The following DENND1B variants were observed in gnomAD, a reference collection of about 807,000 sequenced individuals.
The protein encoded by DENND1B is DENN domain-containing protein 1B.
DENND1B carries 59 observed loss-of-function variants against 90.1 expected under a neutral mutation model. The ratio of observed to expected loss-of-function variants is 0.65; its 90% CI spans 0.53 to 0.81. DENND1B has a LOEUF of 0.81. DENND1B is among the 40% of genes least tolerant of loss of function. The probability of loss-of-function intolerance (pLI) is 0.00; values close to 1 mark genes in which losing one functional copy is unlikely to be tolerated. For synonymous variants in DENND1B, 337 were observed against 324.6 expected (o/e 1.04, Z -0.41); for missense variants, 862 against 912.6 (o/e 0.94, Z 0.71).
rs1272294882 is a variant in DENND1B, at chr1:197,688,593, C to T, written c.127-14424G>A. ...GCAAGGATAGTCTCTTCAACAAACA[C>T]TTGGGAAAACTGGATGTCTACATGT... On this transcript the variant is annotated intron_variant, in intron 3 of 22. Coordinates refer to ENST00000620048, the MANE Select transcript of DENND1B (RefSeq NM_001195215.2). 3.3e-5 allele frequency among the ~76,000 whole-genome samples: 5 copies of T among 152,168 alleles called. No individual in the cohort carries two copies. The East Asian group carries it at 9.6e-4, about 29-fold the overall frequency.
intron 4 of DENND1B, among the ~76,000 whole-genome samples, chr1:197,673,671 C>A (rs774604389): frequency 3.9e-5 from 6 of 152,000 alleles, no homozygotes; most frequent in Non-Finnish European, 8.8e-5. Flanking sequence ...ATTACACTAC[C>A]TCTATAAAGC....
chr1:197,760,019 G>A (rs1654823472), intron 2 of DENND1B, among the ~76,000 whole-genome samples: 1 of 152,008 alleles, frequency 6.6e-6, no homozygotes, highest in African/African-American at 2.4e-5. Flanking sequence ...TATATGTTTA[G>A]TCTGTCATAT....
intron 2 of DENND1B, among the ~76,000 whole-genome samples, chr1:197,729,287 A>T (rs1661938794): frequency 6.6e-6 from 1 of 152,166 alleles, no homozygotes; most frequent in Non-Finnish European, 1.5e-5. Flanking sequence ...TTTATTGAGT[A>T]TATTTTCCAT....
chr1:197,530,408 A>G (rs1669531136), intron 20 of DENND1B, among the ~76,000 whole-genome samples: 1 of 152,218 alleles, frequency 6.6e-6, no homozygotes, highest in African/African-American at 2.4e-5. Flanking sequence ...GAAATGAATA[A>G]TCAAATGGAC....
chr1:197,679,701 G>A (rs1656459699), intron 3 of DENND1B, among the ~76,000 whole-genome samples: 1 of 149,792 alleles, frequency 6.7e-6, no homozygotes, highest in South Asian at 2.1e-4. Flanking sequence ...GACAAGTGGT[G>A]TGCTTGGCAA....
chr1:197,611,993 T>C lies in DENND1B; in HGVS notation c.774-17A>G, dbSNP rs1212518949. 2.5e-6 allele frequency: 4 copies of C among 1,585,082 alleles called. No individual in the cohort carries two copies. In the African/African-American group the frequency reaches 5.4e-5, roughly 21 times the overall value. On this transcript the variant is annotated splice_polypyrimidine_tract_variant and intron_variant, in intron 11 of 22. Transcript: ENST00000620048. The stretch of plus-strand genomic sequence containing the variant: ...ATTGGGGCACTAAATTAAAAATATA[T>C]ATATGCATAGATTCATATAGTTCAT...
intron 5 of DENND1B, among the ~76,000 whole-genome samples, chr1:197,667,002 C>T (rs1032984971): frequency 4.6e-5 from 7 of 151,874 alleles, no homozygotes; most frequent in Admixed American, 1.3e-4. Context: ...GGCGTGGTGG[C>T]GCAGGTCTGT....
At chr1:197,667,119 C>G (rs1341693424) in intron 5 of DENND1B, among the ~76,000 whole-genome samples, 1 of 146,872 alleles carries the variant, frequency 6.8e-6, no homozygotes, top group Non-Finnish European at 1.5e-5. Flanking sequence ...GGCCGCAGAG[C>G]GAGACTCCAT....
intron 2 of DENND1B, among the ~76,000 whole-genome samples, chr1:197,729,941 G>C (rs1662000307): frequency 6.6e-6 from 1 of 152,024 alleles, no homozygotes; most frequent in Non-Finnish European, 1.5e-5. Context: ...CCATATACTT[G>C]TGAGAAATGG....
intron 20 of DENND1B, among the ~76,000 whole-genome samples, chr1:197,530,196 C>T (rs1012084473): frequency 1.3e-5 from 2 of 152,180 alleles, no homozygotes; most frequent in Non-Finnish European, 2.9e-5. Flanking sequence ...GTTTAAAACA[C>T]AGGCTTAGAA....
chr1:197,685,739 C>T (rs765092172), intron 3 of DENND1B: 3 of 151,330 alleles, frequency 2.0e-5, no homozygotes, highest in African/African-American at 7.3e-5. Context: ...CTCAGACCAG[C>T]CCCAAAATTT....
Position 197,607,109 on chromosome 1 carries a change from T to C in DENND1B, c.885A>G (p.Ser295=). Residue 295 remains serine (S), a synonymous_variant, in exon 13 of 23, where the codon TCA becomes TCG. Transcript: ENST00000620048. ...MLNVDTNTLE[S]PFSDLNNLPS... ...GTAGGTTGTTCAAGTCACTAAATGG[T>C]GATTCTAATGTGTTTGTATCAACAT... The C allele has an allele frequency of 6.2e-7, 1 of 1,606,180 alleles. No homozygotes were observed. Among genetic ancestry groups the C allele is most frequent in the Non-Finnish European group, 8.5e-7 (1 of 1,175,224 alleles).
chr1:197,597,736 G>A (rs1675834246), intron 13 of DENND1B, among the ~76,000 whole-genome samples: 1 of 151,796 alleles, frequency 6.6e-6, no homozygotes, highest in Non-Finnish European at 1.5e-5. Context: ...ACTAGTCAAT[G>A]ATAGCTCCTG....
rs1298809020 is a variant in DENND1B, at chr1:197,545,337, G to A, written c.1350+585C>T. On this transcript the variant is annotated intron_variant, in intron 18 of 22. Transcript: ENST00000620048. ...GGAGAATTGCTTGAACCTGGAAGGC[G>A]GAGGTTACAGTGAGCCGAGATCGTG... Among the ~76,000 whole-genome samples the A allele has an allele frequency of 5.3e-5, 8 of 152,138 alleles. No individual in the cohort carries two copies. The South Asian group carries it at 6.2e-4, about 12-fold the overall frequency.
At chr1:197,730,605 C>T (rs917091455) in intron 2 of DENND1B, among the ~76,000 whole-genome samples, 19 of 151,960 alleles carry the variant, frequency 1.3e-4, no homozygotes, top group Middle Eastern at 3.2e-3. Context: ...AAATTCTTTA[C>T]GGTTAATCAC....
In DENND1B at chr1:197,617,753, C is replaced by T; in HGVS notation, c.679G>A (p.Ala227Thr). 1 of 1,606,164 alleles carries T rather than the reference C, an allele frequency of 6.2e-7. No homozygotes were observed. ...IISSKLSTLT[A>T]CIHGSAALLY... ...AGAGCAGCTGATCCATGGATACAGG[C>T]AGTTAACTGAAATTTGTAAAAGGAT... Residue 227 changes from alanine (A) to threonine (T), a missense_variant, in exon 11 of 23, where the codon GCC (alanine) becomes ACC (threonine). Ala to Thr is a moderately conservative substitution (Grantham distance 58). Transcript: ENST00000620048.
At chr1:197,753,989 A>T (rs1357572469) in intron 2 of DENND1B, among the ~76,000 whole-genome samples, 3 of 152,088 alleles carry the variant, frequency 2.0e-5, no homozygotes, top group Non-Finnish European at 4.4e-5. Flanking sequence ...ACAGAGCAAG[A>T]TTCTAAATCA....
At chr1:197,713,659 C>T (rs1242249406) in intron 3 of DENND1B, among the ~76,000 whole-genome samples, 1 of 72,064 alleles carries the variant, frequency 1.4e-5, no homozygotes, top group Non-Finnish European at 2.5e-5. Flanking sequence ...GGGTGCAGCG[C>T]ACCAGCATGG....
intron 9 of DENND1B, among the ~76,000 whole-genome samples, chr1:197,643,522 GC>G: frequency 6.6e-6 from 1 of 152,034 alleles, no homozygotes; most frequent in East Asian, 1.9e-4. Context: ...AGAAACCGCT[GC>G]CCCAGACAAT....
Sources: gnomAD v4.1 joint callset for allele counts (sites outside exome capture counted in the v4.1 genomes callset) on GRCh38, gnomAD v4.1.1 for gene constraint, MANE v1.5 for transcripts, NCBI Gene and HGNC (gene_info 2026-07-23, HGNC 2026-07-21) for gene names.